Variants in ST3GAL3 observed in about 807,000 individuals in gnomAD.
ST3GAL3 encodes the protein ST3 beta-galactoside alpha-2,3-sialyltransferase 3.
ST3GAL3 carries 21 observed loss-of-function variants against 50.1 expected under a neutral mutation model. The observed-to-expected ratio is 0.42, with a 90% CI of 0.30 to 0.60. The LOEUF is 0.60. Ranked by LOEUF, ST3GAL3 falls within the 20% of genes least tolerant of loss-of-function variation. The pLI, the probability that ST3GAL3 is intolerant of heterozygous loss-of-function variation, is 0.19. For synonymous variants in ST3GAL3, 183 were observed against 190.0 expected (o/e 0.96, Z 0.30); for missense variants, 353 against 489.4 (o/e 0.72, Z 2.63).
chr1:43,781,753 A>G (rs1466107839), intron 2 of ST3GAL3, among the ~76,000 whole-genome samples: 1 of 152,192 alleles, frequency 6.6e-6, no homozygotes, highest in African/African-American at 2.4e-5. Flanking sequence ...TCAACCCCCA[A>G]CTGAAATCTC....
intron 4 of ST3GAL3, among the ~76,000 whole-genome samples, chr1:43,826,301 CT>C (rs2062793982): frequency 6.6e-6 from 1 of 152,122 alleles, no homozygotes; most frequent in African/African-American, 2.4e-5. Flanking sequence ...GTGAACAACT[CT>C]GTACTCACAA....
At chr1:43,811,556 C>T (rs772267830) in intron 3 of ST3GAL3, among the ~76,000 whole-genome samples, 1 of 152,210 alleles carries the variant, frequency 6.6e-6, no homozygotes, top group African/African-American at 2.4e-5. Context: ...GGCCTGTCAA[C>T]CCTCCAGGCA....
At chr1:43,730,307 G>C (rs1284706555) in intron 1 of ST3GAL3, among the ~76,000 whole-genome samples, 1 of 152,202 alleles carries the variant, frequency 6.6e-6, no homozygotes, top group African/African-American at 2.4e-5. Flanking sequence ...TGTGGTCACT[G>C]TATGGTTGTG....
At chr1:43,791,095 A>T (rs2058022095) in intron 2 of ST3GAL3, among the ~76,000 whole-genome samples, 1 of 152,108 alleles carries the variant, frequency 6.6e-6, no homozygotes, top group Non-Finnish European at 1.5e-5. Context: ...GTCCTATTCC[A>T]TTCTTGTTGG....
intron 2 of ST3GAL3, among the ~76,000 whole-genome samples, chr1:43,766,321 TAA>T (rs1412344069): frequency 6.6e-6 from 1 of 152,064 alleles, no homozygotes; most frequent in Non-Finnish European, 1.5e-5. Flanking sequence ...CTGGGAATTT[TAA>T]AGACTGAAAG....
At chr1:43,925,095 GCCTGGCTAACATGGTGAAAC>G (rs1488169672) in intron 11 of ST3GAL3, among the ~76,000 whole-genome samples, 4 of 152,016 alleles carry the variant, frequency 2.6e-5, no homozygotes, top group Non-Finnish European at 5.9e-5. Flanking sequence ...TTCGAGACCA[GCCTGGCTAACATGGTGAAAC>G]CCCGTCTCTG....
intron 5 of ST3GAL3, chr1:43,842,181 C>T (rs1347621367): frequency 6.6e-6 from 1 of 152,198 alleles, no homozygotes; most frequent in Non-Finnish European, 1.5e-5. Context: ...ACCATTTAAC[C>T]AGTCTCTAAG....
chr1:43,848,369 G>A (rs12040333), intron 5 of ST3GAL3, among the ~76,000 whole-genome samples: 31,776 of 144,264 alleles, frequency 0.22, 4,769 homozygotes, highest in African/African-American at 0.42. Context: ...GCAATGGCGC[G>A]ATCTTGGTTC....
intron 2 of ST3GAL3, among the ~76,000 whole-genome samples, chr1:43,785,156 T>A (rs1201043422): frequency 6.6e-6 from 1 of 152,104 alleles, no homozygotes; most frequent in Non-Finnish European, 1.5e-5. Flanking sequence ...GTTGAGAGAC[T>A]AAAAAACAAG....
At chr1:43,760,309 C>T (rs1479414605) in intron 2 of ST3GAL3, among the ~76,000 whole-genome samples, 1 of 152,180 alleles carries the variant, frequency 6.6e-6, no homozygotes, top group Non-Finnish European at 1.5e-5. Context: ...AATATTTAAA[C>T]ACTTGTCTGA....
At chr1:43,808,197 G>A (rs1342812500) in intron 3 of ST3GAL3, among the ~76,000 whole-genome samples, 2 of 151,810 alleles carry the variant, frequency 1.3e-5, no homozygotes, top group African/African-American at 4.8e-5. Context: ...CCAGCTACTC[G>A]GGAGGCTGAA....
intron 1 of ST3GAL3, among the ~76,000 whole-genome samples, chr1:43,713,440 C>A: frequency 6.6e-6 from 1 of 151,324 alleles, no homozygotes; most frequent in East Asian, 1.9e-4. Flanking sequence ...TATAATATTT[C>A]TAATCTTTAG....
intron 5 of ST3GAL3, chr1:43,851,535 C>A: frequency 6.3e-7 from 1 of 1,593,342 alleles, no homozygotes. Context: ...GTTATTTAAG[C>A]AAGAGCCTAG....
intron 2 of ST3GAL3, among the ~76,000 whole-genome samples, chr1:43,760,954 GAAA>G (rs1690094096): frequency 6.6e-6 from 1 of 152,232 alleles, no homozygotes; most frequent in African/African-American, 2.4e-5. Flanking sequence ...TATGCTGAGA[GAAA>G]GAAGCAGGCC....
chr1:43,824,392 G>A (rs1441138774), intron 4 of ST3GAL3, among the ~76,000 whole-genome samples: 2 of 151,758 alleles, frequency 1.3e-5, no homozygotes, highest in Non-Finnish European at 1.5e-5. Context: ...AAAGGGGTGT[G>A]TGTGTGGTGG....
At chr1:43,837,034 T>G (rs961327856) in intron 4 of ST3GAL3, among the ~76,000 whole-genome samples, 2 of 152,162 alleles carry the variant, frequency 1.3e-5, no homozygotes, top group African/African-American at 4.8e-5. Context: ...TAAGAAAGTT[T>G]TAGGGGTCTT....
intron 2 of ST3GAL3, among the ~76,000 whole-genome samples, chr1:43,778,749 C>A (rs1698277501): frequency 1.4e-5 from 2 of 145,656 alleles, no homozygotes; most frequent in Admixed American, 1.3e-4. Context: ...GGGTTCACGC[C>A]ATTCTCCTGC....
At chr1:43,916,281 A>G (rs2081782192) in intron 9 of ST3GAL3, among the ~76,000 whole-genome samples, 1 of 152,234 alleles carries the variant, frequency 6.6e-6, no homozygotes, top group African/African-American at 2.4e-5. Context: ...CAGTCATTAG[A>G]ATAGTCCAGA....
chr1:43,921,609 A>T (rs2083047614), intron 11 of ST3GAL3: 1 of 398,988 alleles, frequency 2.5e-6, no homozygotes, highest in South Asian at 1.3e-4. Flanking sequence ...TGTTGGAGGG[A>T]ACCTCCCATC....
Sources: gnomAD v4.1 joint callset for allele counts (sites outside exome capture counted in the v4.1 genomes callset) on GRCh38, gnomAD v4.1.1 for gene constraint, MANE v1.5 for transcripts, NCBI Gene and HGNC (gene_info 2026-07-23, HGNC 2026-07-21) for gene names.